The following HS3ST4 variants were observed in gnomAD, a reference collection of about 807,000 sequenced individuals.
HS3ST4 encodes the protein heparan sulfate glucosamine 3-O-sulfotransferase 4.
In HS3ST4, 17 loss-of-function variants were observed where a neutral mutation model predicts 29.2. The observed-to-expected ratio is 0.58, with a 90% confidence interval of 0.40 to 0.87. HS3ST4 has a LOEUF of 0.87. Ranked by LOEUF, HS3ST4 falls within the 40% of genes least tolerant of loss-of-function variation. HS3ST4 has a pLI of 0.00. For synonymous variants in HS3ST4, 314 were observed against 285.7 expected (o/e 1.10, Z -1.00); for missense variants, 627 against 634.5 (o/e 0.99, Z 0.13).
At chr16:25,819,680 G>A (rs1967127631) in intron 1 of HS3ST4, among the ~76,000 whole-genome samples, 1 of 152,096 alleles carries the variant, frequency 6.6e-6, no homozygotes, top group South Asian at 2.1e-4. Context: ...TTAATAGCGG[G>A]AGGGATATTT....
chr16:26,130,980 C>T (rs867363083), intron 1 of HS3ST4, among the ~76,000 whole-genome samples: 1 of 152,206 alleles, frequency 6.6e-6, no homozygotes, highest in Admixed American at 6.5e-5. Flanking sequence ...CTGCCCTGTT[C>T]CCAGTAGTGT....
At chr16:26,112,127 C>T (rs573516565) in intron 1 of HS3ST4, among the ~76,000 whole-genome samples, 3 of 152,100 alleles carry the variant, frequency 2.0e-5, no homozygotes, top group East Asian at 1.9e-4. Context: ...AGTGCACTAG[C>T]TTATTGGGTT....
chr16:26,118,996 G>A (rs1263842841), intron 1 of HS3ST4, among the ~76,000 whole-genome samples: 3 of 152,192 alleles, frequency 2.0e-5, no homozygotes. Context: ...TGGTCTTTAT[G>A]TATATTGGCT....
At chr16:25,938,009 G>A (rs1056603462) in intron 1 of HS3ST4, among the ~76,000 whole-genome samples, 1 of 152,098 alleles carries the variant, frequency 6.6e-6, no homozygotes, top group Non-Finnish European at 1.5e-5. Flanking sequence ...GGGCTTTCTG[G>A]GGCAACCAGA....
chr16:25,935,043 A>G (rs960929220), intron 1 of HS3ST4, among the ~76,000 whole-genome samples: 6 of 152,020 alleles, frequency 3.9e-5, no homozygotes, highest in African/African-American at 1.4e-4. Context: ...GAGATCTGAT[A>G]GTTTTATAAG....
At chr16:25,993,533 T>TAAGCAGGTAAGCTTTGGGAA (rs1969131285) in intron 1 of HS3ST4, among the ~76,000 whole-genome samples, 1 of 151,974 alleles carries the variant, frequency 6.6e-6, no homozygotes. Context: ...AGACTGGAAT[T>TAAGCAGGTAAGCTTTGGGAA]CCTATCTAAG....
At chr16:26,075,197 A>G (rs1030769020) in intron 1 of HS3ST4, among the ~76,000 whole-genome samples, 1 of 152,186 alleles carries the variant, frequency 6.6e-6, no homozygotes, top group African/African-American at 2.4e-5. Context: ...GTCTCAAAAA[A>G]AAAGACTCAC....
chr16:25,740,047 G>C (rs565412280), intron 1 of HS3ST4, among the ~76,000 whole-genome samples: 3 of 151,886 alleles, frequency 2.0e-5, no homozygotes, highest in East Asian at 1.9e-4. Context: ...AGCCCCCAAG[G>C]ATTCTGACTT....
chr16:25,910,443 C>T (rs139201375), intron 1 of HS3ST4, among the ~76,000 whole-genome samples: 3,440 of 152,152 alleles, frequency 0.023, 136 homozygotes, highest in African/African-American at 0.077. Flanking sequence ...GAGTTTGAGA[C>T]CAACCTGGCC....
At chr16:25,999,440 T>G (rs999055031) in intron 1 of HS3ST4, among the ~76,000 whole-genome samples, 4 of 152,120 alleles carry the variant, frequency 2.6e-5, no homozygotes, top group African/African-American at 4.8e-5. Context: ...CTTTTCTTGA[T>G]TAGATGCGCA....
intron 1 of HS3ST4, among the ~76,000 whole-genome samples, chr16:26,062,560 C>A (rs2141771731): frequency 6.6e-6 from 1 of 152,050 alleles, no homozygotes; most frequent in South Asian, 2.1e-4. Flanking sequence ...GCCTACCTTC[C>A]TCTATTTCGG....
At chr16:25,820,132 C>T (rs1967135976) in intron 1 of HS3ST4, among the ~76,000 whole-genome samples, 2 of 69,188 alleles carry the variant, frequency 2.9e-5, no homozygotes, top group South Asian at 4.0e-4. Context: ...GCTCTTCTCC[C>T]ATTACACCAA....
At chr16:25,696,961 T>C (rs1275226903) in intron 1 of HS3ST4, among the ~76,000 whole-genome samples, 2 of 152,136 alleles carry the variant, frequency 1.3e-5, no homozygotes, top group Non-Finnish European at 2.9e-5. Context: ...TCCGAGAGGG[T>C]AAATGATTAA....
chr16:25,738,014 C>G (rs1030313065), intron 1 of HS3ST4, among the ~76,000 whole-genome samples: 5 of 151,832 alleles, frequency 3.3e-5, no homozygotes, highest in Non-Finnish European at 2.9e-5. Flanking sequence ...AAGCAATTCT[C>G]CTGCCTCAGC....
chr16:26,005,257 A>G (rs1164362311), intron 1 of HS3ST4, among the ~76,000 whole-genome samples: 1 of 152,212 alleles, frequency 6.6e-6, no homozygotes, highest in African/African-American at 2.4e-5. Context: ...TTTAAATAAT[A>G]TAGCCCATCC....
intron 1 of HS3ST4, among the ~76,000 whole-genome samples, chr16:25,933,862 C>T (rs1297324769): frequency 6.6e-6 from 1 of 152,126 alleles, no homozygotes; most frequent in Non-Finnish European, 1.5e-5. Context: ...AGAACCCACT[C>T]ATTACCACAA....
At chr16:25,916,631 G>T (rs994404423) in intron 1 of HS3ST4, among the ~76,000 whole-genome samples, 2 of 150,910 alleles carry the variant, frequency 1.3e-5, no homozygotes, top group African/African-American at 4.9e-5. Flanking sequence ...CAAAGTGTTG[G>T]GATTATGGGC....
chr16:26,028,730 A>T (rs556985015), intron 1 of HS3ST4, among the ~76,000 whole-genome samples: 3 of 148,770 alleles, frequency 2.0e-5, no homozygotes, highest in African/African-American at 7.8e-5. Context: ...GTTGGGGAAG[A>T]TATTCATGAT....
At chr16:26,022,990 C>G (rs556576011) in intron 1 of HS3ST4, among the ~76,000 whole-genome samples, 3 of 151,878 alleles carry the variant, frequency 2.0e-5, no homozygotes, top group East Asian at 1.9e-4. Context: ...TGCAATGAGC[C>G]GAGGTCATGC....
Sources: gnomAD v4.1 joint callset for allele counts (sites outside exome capture counted in the v4.1 genomes callset) on GRCh38, gnomAD v4.1.1 for gene constraint, MANE v1.5 for transcripts, NCBI Gene and HGNC (gene_info 2026-07-23, HGNC 2026-07-21) for gene names.